CAB39: variants seen among roughly 807,000 people sequenced by gnomAD.
CAB39 encodes the protein calcium-binding protein 39.
Under a neutral mutation model 40.0 loss-of-function variants are expected in CAB39, and 8 were observed. The ratio of observed to expected loss-of-function variants is 0.20; its 90% CI spans 0.12 to 0.36. CAB39 has a LOEUF of 0.36. Among genes scored for constraint, CAB39 ranks in the 10% least tolerant of loss-of-function variants. The pLI, the probability that CAB39 is intolerant of heterozygous loss-of-function variation, is 1.00. For synonymous variants in CAB39, 156 were observed against 141.6 expected, an observed-to-expected ratio of 1.10 and a Z score of -0.72; for missense variants, 270 against 401.1, an observed-to-expected ratio of 0.67 and a Z score of 2.79.
At chr2:230,817,722 A>T in intron 7 of CAB39, 32 bp from the exon 8 acceptor site, 1 of 1,517,044 alleles carries the variant, frequency 6.6e-7, no homozygotes, top group Non-Finnish European at 8.9e-7. Context: ...TTAAGTTTTA[A>T]TAACAAGGTA....
chr2:230,818,000 A>G, intron 8 of CAB39, 103 bp downstream of exon 8: 1 of 1,045,034 alleles, frequency 9.6e-7, no homozygotes, highest in Non-Finnish European at 1.4e-6. Context: ...AATCCAGGTG[A>G]CTTAATTAAA....
intron 7 of CAB39, among the ~76,000 whole-genome samples, chr2:230,815,449 C>T (rs1437023582): frequency 2.0e-5 from 3 of 152,136 alleles, no homozygotes; most frequent in Non-Finnish European, 4.4e-5. Flanking sequence ...CTCTGTGATC[C>T]TCAAAGGGCT....
intron 1 of CAB39, among the ~76,000 whole-genome samples, chr2:230,754,811 G>C (rs1446318516): frequency 1.3e-5 from 2 of 152,118 alleles, no homozygotes; most frequent in East Asian, 3.9e-4. Context: ...GAGCCACTGC[G>C]CCCGGCCTAT....
Position 230,817,983 on chromosome 2 carries a change from C to G in CAB39, c.837+86C>G, listed in dbSNP as rs574565637. 1.6e-4 allele frequency: 187 copies of G among 1,199,206 alleles called. 2 individuals carry two copies. The East Asian group carries it at 4.5e-3, about 29-fold the overall frequency. The allele number at this position is 1,199,206 out of a possible 1,614,324, so 74.3% of individuals were successfully genotyped here. A position where few individuals can be genotyped will look rare whatever the true frequency, so the allele number is the denominator to read the frequency against. ...CAAATAACGGAAATTATTAGCCTCACTCTGGTAATCCAGGTGACTTAATTA... is the reference window on the plus strand; with the variant it reads ...CAAATAACGGAAATTATTAGCCTCAGTCTGGTAATCCAGGTGACTTAATTA... On this transcript the variant is annotated intron_variant, in intron 8 of 8. Transcript: ENST00000258418.
At position 230,820,717 on chromosome 2, in the gene CAB39, A is replaced by G. The variant is rs1696494768; in HGVS notation, c.*2013A>G. Reference sequence around the variant, plus strand: ...GTGAGGGTGCAGCGTGTCAGACACAACATTCATGTTACTCTTACATTGGAA... The same window carrying G: ...GTGAGGGTGCAGCGTGTCAGACACAGCATTCATGTTACTCTTACATTGGAA... On this transcript the variant is annotated 3_prime_UTR_variant, in exon 9 of 9. Transcript: ENST00000258418. The G allele has an allele frequency of 6.6e-6, 1 of 152,624 alleles. No homozygotes were observed. The highest frequency in any genetic ancestry group is 6.5e-5 in the Admixed American group (1 of 15,282). 9.5% of individuals were successfully genotyped at this position (152,624 alleles called of 1,614,324 possible).
At chr2:230,794,920 A>G (rs1163801460) in intron 4 of CAB39, among the ~76,000 whole-genome samples, 1 of 152,188 alleles carries the variant, frequency 6.6e-6, no homozygotes, top group Admixed American at 6.5e-5. Flanking sequence ...CCTAATGTCT[A>G]ATGCCCAATC....
intron 5 of CAB39, among the ~76,000 whole-genome samples, chr2:230,805,123 C>T (rs1490306821): frequency 2.0e-5 from 3 of 152,102 alleles, no homozygotes; most frequent in Non-Finnish European, 4.4e-5. Context: ...TTGAAACCAT[C>T]ATTCTGAGCA....
At chr2:230,745,077 A>C (rs57459244) in intron 1 of CAB39, among the ~76,000 whole-genome samples, 2 of 152,256 alleles carry the variant, frequency 1.3e-5, no homozygotes, top group Non-Finnish European at 2.9e-5. Context: ...TAAGAGGAAC[A>C]TAAGTGTTTT....
Position 230,777,579 on chromosome 2 carries a change from C to T in CAB39, c.115-13293C>T, listed in dbSNP as rs903353630. 6.6e-5 allele frequency among the ~76,000 whole-genome samples: 10 copies of T among 152,028 alleles called. No individual in the cohort carries two copies. The South Asian group carries it at 2.1e-3, about 32-fold the overall frequency. ...GGATTACAGGTACCTGGCTGATTTT[C>T]ATATTTTTAATAGAGATGGGGTTTC... On this transcript the variant is annotated intron_variant, in intron 2 of 8. Coordinates refer to ENST00000258418, the MANE Select transcript of CAB39 (RefSeq NM_016289.4).
At chr2:230,719,036 T>C (rs554932115) in intron 1 of CAB39, among the ~76,000 whole-genome samples, 100 of 152,246 alleles carry the variant, frequency 6.6e-4, no homozygotes, top group Admixed American at 1.2e-3. Context: ...CTTTGTCATA[T>C]AATTCTTTTT....
At chr2:230,748,824 AAAAAAAAAT>A (rs1695023666) in intron 1 of CAB39, among the ~76,000 whole-genome samples, 8 of 72,352 alleles carry the variant, frequency 1.1e-4, no homozygotes, top group South Asian at 4.6e-4. Context: ...AAAAAAAAAA[AAAAAAAAAT>A]ATATATATAT....
At chr2:230,775,677 C>T (rs1050962571) in intron 2 of CAB39, among the ~76,000 whole-genome samples, 7 of 150,920 alleles carry the variant, frequency 4.6e-5, no homozygotes, top group Non-Finnish European at 1.0e-4. Flanking sequence ...AACAGTGGTG[C>T]GCATTGGAGT....
rs190446126 is a variant in CAB39 at position 230,735,387 on chromosome 2, G to T, written c.-44+22157G>T. On this transcript the variant is annotated intron_variant, in intron 1 of 8. Transcript: ENST00000258418. ...TCACCATGTTGGCCAGGCTGGTCTT[G>T]AACTCCTGGCCTCAAGTGATCCGTC... Among the ~76,000 whole-genome samples the T allele has an allele frequency of 7.4e-3, 1,121 of 152,190 alleles. 9 individuals carry two copies. Among genetic ancestry groups the T allele is most frequent in the African/African-American group, 0.026 (1,066 of 41,508 alleles).
chr2:230,753,637 C>A (rs1158982574), intron 1 of CAB39, among the ~76,000 whole-genome samples: 2 of 151,112 alleles, frequency 1.3e-5, no homozygotes, highest in African/African-American at 2.4e-5. Flanking sequence ...GTCCCAGCTA[C>A]TGGGGAGGCT....
Position 230,818,723 on chromosome 2 carries a change from G to GT in CAB39, c.*21dup, listed in dbSNP as rs1426751453. The stretch of plus-strand genomic sequence containing the variant: ...AGCTTAATCTCCAATAAACATCTAT[G>GT]TTAAATCCAAATTCAGCATTTGCTG... On this transcript the variant is annotated 3_prime_UTR_variant, in exon 9 of 9. Coordinates refer to ENST00000258418, the MANE Select transcript of CAB39 (RefSeq NM_016289.4). 2.5e-6 allele frequency: 4 copies of GT among 1,596,134 alleles called. No homozygotes were observed. Among genetic ancestry groups the GT allele is most frequent in the Non-Finnish European group, 3.4e-6 (4 of 1,165,936 alleles).
intron 1 of CAB39, among the ~76,000 whole-genome samples, chr2:230,737,562 G>C (rs1315442631): frequency 6.6e-6 from 1 of 152,166 alleles, no homozygotes; most frequent in Non-Finnish European, 1.5e-5. Context: ...GTTTGTTAGA[G>C]ATTACAGAGC....
intron 1 of CAB39, among the ~76,000 whole-genome samples, chr2:230,724,469 G>A (rs1694518920): frequency 6.6e-6 from 1 of 151,870 alleles, no homozygotes; most frequent in East Asian, 1.9e-4. Flanking sequence ...ATCACCTGAG[G>A]TCAGGAGTTC....
intron 1 of CAB39, among the ~76,000 whole-genome samples, chr2:230,752,861 A>G (rs1235705167): frequency 2.6e-5 from 4 of 152,232 alleles, no homozygotes; most frequent in African/African-American, 9.6e-5. Flanking sequence ...TGAACAATGG[A>G]TCCATTCACT....
chr2:230,817,661 C>T, intron 7 of CAB39, 93 bp from the exon 8 acceptor site: 1 of 1,012,218 alleles, frequency 9.9e-7, no homozygotes, highest in Non-Finnish European at 1.4e-6. Flanking sequence ...TACTAATACT[C>T]TATACTTGAT....
Sources: allele counts gnomAD v4.1 joint callset (sites outside exome capture counted in the v4.1 genomes callset), GRCh38; gene constraint gnomAD v4.1.1; transcripts MANE v1.5; gene names NCBI Gene and HGNC (gene_info 2026-07-23, HGNC 2026-07-21).